Variants in CERS5 observed in about 807,000 individuals in gnomAD.
The protein encoded by CERS5 is ceramide synthase 5, also known as LAG1 homolog, ceramide synthase 5.
Under a neutral mutation model 58.9 loss-of-function variants are expected in CERS5, and 37 were observed. The ratio of observed to expected loss-of-function variants is 0.63; its 90% CI spans 0.48 to 0.83. The LOEUF (loss-of-function observed/expected upper bound fraction) is 0.83, where lower values mean the gene tolerates loss of function less well. Among genes scored for constraint, CERS5 ranks in the 40% least tolerant of loss-of-function variants. The probability of loss-of-function intolerance (pLI) is 0.00; values close to 1 mark genes in which losing one functional copy is unlikely to be tolerated. For synonymous variants in CERS5, 147 were observed against 177.8 expected, an observed-to-expected ratio of 0.83 and a Z score of 1.38; for missense variants, 398 against 489.3, an observed-to-expected ratio of 0.81 and a Z score of 1.76.
At chr12:50,132,530 G>A (rs1951384522) in intron 9 of CERS5, among the ~76,000 whole-genome samples, 1 of 152,234 alleles carries the variant, frequency 6.6e-6, no homozygotes, top group South Asian at 2.1e-4. Flanking sequence ...TGTGGTTTAA[G>A]TAAAGGAGAG....
intron 1 of CERS5, among the ~76,000 whole-genome samples, chr12:50,154,513 C>T (rs1470462292): frequency 6.6e-6 from 1 of 152,102 alleles, no homozygotes; most frequent in Non-Finnish European, 1.5e-5. Flanking sequence ...CAATGTATCA[C>T]AAGAGATTGA....
At chr12:50,163,231 C>T (rs553394295) in intron 1 of CERS5, among the ~76,000 whole-genome samples, 117 of 151,924 alleles carry the variant, frequency 7.7e-4, no homozygotes, top group African/African-American at 2.7e-3. Context: ...TGGAGTGTCG[C>T]TCTGTTGCCC....
intron 1 of CERS5, 77 bp from the exon 2 acceptor site, chr12:50,144,134 A>G: frequency 1.2e-6 from 1 of 811,944 alleles, no homozygotes; most frequent in East Asian, 2.5e-5. Context: ...AATTGTACAT[A>G]TTTATGGGGT....
intron 9 of CERS5, chr12:50,133,197 G>T: frequency 8.5e-7 from 1 of 1,176,432 alleles, no homozygotes; most frequent in Non-Finnish European, 1.1e-6. Context: ...CAATATCTAG[G>T]CCACATTCCA....
In CERS5 at chr12:50,142,094, A is replaced by G. The variant is rs1174863685; in HGVS notation, c.451T>C (p.Tyr151His). Residue 151 changes from tyrosine (Y) to histidine (H), a missense_variant, in exon 4 of 10, where the codon TAT (tyrosine) becomes CAT (histidine). This residue lies in a region of CERS5 where 328 missense variants were observed against 384.5 expected (regional missense o/e 0.85). Transcript: ENST00000317551. ...FCESMWRFTF[Y>H]LCIFCYGIRF... ...ATTCCATAGCAGAATATACATAAAT[A>G]AAATGTGAATCTCCACCTGGGTGGG... 3 of 1,606,072 alleles carry G rather than the reference A, an allele frequency of 1.9e-6. No homozygotes were observed. Among genetic ancestry groups the G allele is most frequent in the South Asian group, 2.2e-5 (2 of 90,564 alleles).
At chr12:50,148,950 G>A (rs960818199) in intron 1 of CERS5, among the ~76,000 whole-genome samples, 111 of 111,534 alleles carry the variant, frequency 1.0e-3, no homozygotes, top group South Asian at 4.4e-3. Context: ...ATATATATGT[G>A]TGTGTGTGTG....
chr12:50,136,389 C>T (rs1384263017), intron 6 of CERS5, among the ~76,000 whole-genome samples: 1 of 151,978 alleles, frequency 6.6e-6, no homozygotes, highest in Non-Finnish European at 1.5e-5. Context: ...AGGAGAATTG[C>T]TCAAACCTGG....
intron 1 of CERS5, among the ~76,000 whole-genome samples, chr12:50,161,869 CT>C (rs765766688): frequency 0.19 from 12,395 of 66,756 alleles, 231 homozygotes; most frequent in East Asian, 0.35. Context: ...TGTTCTTCTT[CT>C]TTTTTTTTTT....
chr12:50,141,949 A>G, intron 4 of CERS5, 104 bp downstream of exon 4: 1 of 738,954 alleles, frequency 1.4e-6, no homozygotes, highest in East Asian at 2.9e-5. Flanking sequence ...CAAAAAAAAA[A>G]AAAAAAAAAG....
chr12:50,138,445 C>G, intron 5 of CERS5, 122 bp downstream of exon 5: 1 of 815,302 alleles, frequency 1.2e-6, no homozygotes, highest in Non-Finnish European at 2.2e-6. Flanking sequence ...TAAAGGGACT[C>G]AGTCCCTAAT....
Position 50,135,940 on chromosome 12 carries a change from C to A in CERS5, c.765+1G>T. ...TGGAGAAAGAGAGATTGGGTTTTTA[C>A]CTCCAGCAAGAAGTCTGAGACATCA... On this transcript the variant is annotated splice_donor_variant, in intron 7 of 9. Coordinates refer to ENST00000317551, the MANE Select transcript of CERS5 (RefSeq NM_147190.5). LOFTEE classifies it high-confidence loss of function. 1 of 1,546,946 alleles carries A rather than the reference C, an allele frequency of 6.5e-7. No individual in the cohort carries two copies. The highest frequency in any genetic ancestry group is 1.3e-5 in the South Asian group (1 of 77,638).
intron 5 of CERS5, 116 bp from the exon 6 acceptor site, chr12:50,137,936 C>T (rs1354349766): frequency 3.0e-6 from 2 of 676,718 alleles, no homozygotes; most frequent in Non-Finnish European, 5.3e-6. Context: ...CTCTCCTCCC[C>T]ATTATCTGCC....
chr12:50,142,147 A>G, intron 3 of CERS5, 37 bp from the exon 4 acceptor site: 7 of 1,419,970 alleles, frequency 4.9e-6, no homozygotes, highest in South Asian at 1.2e-5. Flanking sequence ...ACAAATGTCC[A>G]CTCAAACCAA....
Position 50,134,264 on chromosome 12 carries a change from A to C in CERS5, c.1029+282T>G, listed in dbSNP as rs991350451. 6 of 517,926 alleles carry C rather than the reference A, an allele frequency of 1.2e-5. No homozygotes were observed. The African/African-American group carries it at 1.6e-4, about 14-fold the overall frequency. The allele number at this position is 517,926 out of a possible 1,614,324, so 32.1% of individuals were successfully genotyped here. ...CGTGGTGGTGCACACCTATAGTCCCAGCTACTTGGGAGGCTGCAGTGGGAG... is the reference window on the plus strand; with the variant it reads ...CGTGGTGGTGCACACCTATAGTCCCCGCTACTTGGGAGGCTGCAGTGGGAG... On this transcript the variant is annotated intron_variant, in intron 9 of 9. Coordinates refer to ENST00000317551, the MANE Select transcript of CERS5 (RefSeq NM_147190.5).
chr12:50,158,060 CAAA>C (rs11388385), intron 1 of CERS5, among the ~76,000 whole-genome samples: 8 of 81,360 alleles, frequency 9.8e-5, no homozygotes, highest in Admixed American at 1.6e-4. Context: ...AGACCATGAC[CAAA>C]AAAAAAAAAA....
chr12:50,132,698 G>C (rs1387375973), intron 9 of CERS5, among the ~76,000 whole-genome samples: 2 of 110,940 alleles, frequency 1.8e-5, no homozygotes, highest in African/African-American at 3.1e-5. Context: ...CTGACCTTTA[G>C]GAAATTTCCA....
Position 50,167,294 on chromosome 12 carries a change from C to A in CERS5, c.4G>T (p.Ala2Ser). Residue 2 changes from alanine to serine, a missense_variant, in exon 1 of 10, where the codon GCG becomes TCG. By Grantham distance (99) the Ala-to-Ser change is moderately conservative. Coordinates refer to ENST00000317551, the MANE Select transcript of CERS5 (RefSeq NM_147190.5). M[A>S]TAAQGPLSLL... The stretch of plus-strand genomic sequence containing the variant: ...CTTAGGGGTCCCTGCGCTGCTGTCG[C>A]CATCTTACGCCCACCCCGAAGCCAC... 6.6e-7 allele frequency: 1 copy of A among 1,509,652 alleles called. No individual in the cohort carries two copies. Among genetic ancestry groups the A allele is most frequent in the Non-Finnish European group, 8.8e-7 (1 of 1,136,260 alleles). The allele number at this position is 1,509,652 out of a possible 1,614,324, so 93.5% of individuals were successfully genotyped here.
chr12:50,164,119 C>G (rs1038488068), intron 1 of CERS5, among the ~76,000 whole-genome samples: 1 of 151,514 alleles, frequency 6.6e-6, no homozygotes, highest in East Asian at 1.9e-4. Context: ...ACCACTATGC[C>G]CAGCTAATTT....
chr12:50,164,586 A>G (rs1375248276), intron 1 of CERS5, among the ~76,000 whole-genome samples: 3 of 152,220 alleles, frequency 2.0e-5, no homozygotes, highest in Non-Finnish European at 4.4e-5. Flanking sequence ...CTTTCCTAAG[A>G]GCAAACATGA....
Sources: gnomAD v4.1 joint callset for allele counts (sites outside exome capture counted in the v4.1 genomes callset) on GRCh38, gnomAD v4.1.1 for gene constraint, gnomAD v4.1.1 regional missense constraint, MANE v1.5 for transcripts, NCBI Gene and HGNC (gene_info 2026-07-23, HGNC 2026-07-21) for gene names.